Variants in PRKCH observed in about 807,000 individuals in gnomAD.
PRKCH encodes the protein protein kinase C eta type.
In PRKCH, 28 loss-of-function variants were observed where a neutral mutation model predicts 82.5. The ratio of observed to expected loss-of-function variants is 0.34; its 90% CI spans 0.25 to 0.47. The LOEUF is 0.47. Among genes scored for constraint, PRKCH ranks in the 20% least tolerant of loss-of-function variants. The pLI is 1.00. For synonymous variants in PRKCH, 322 were observed against 327.4 expected, an observed-to-expected ratio of 0.98 and a Z score of 0.18; for missense variants, 705 against 881.8, an observed-to-expected ratio of 0.80 and a Z score of 2.54.
chr14:61,233,919 A>G (rs917129249), intron 1 of PRKCH, among the ~76,000 whole-genome samples: 3 of 152,274 alleles, frequency 2.0e-5, no homozygotes, highest in South Asian at 4.2e-4. Flanking sequence ...CCCTTATTCC[A>G]TAACCCATTT....
intron 1 of PRKCH, among the ~76,000 whole-genome samples, chr14:61,329,824 C>T (rs1026178398): frequency 2.0e-5 from 3 of 152,174 alleles, no homozygotes; most frequent in Non-Finnish European, 2.9e-5. Flanking sequence ...CCTGAAAGAA[C>T]GGACGTATGA....
intron 1 of PRKCH, among the ~76,000 whole-genome samples, chr14:61,333,422 A>G (rs2045814587): frequency 6.6e-6 from 1 of 152,206 alleles, no homozygotes; most frequent in Non-Finnish European, 1.5e-5. Flanking sequence ...GCTTTTATTA[A>G]TTCCTAACAT....
At position 61,322,219 on chromosome 14, in the gene PRKCH, C is replaced by T. The variant is rs372517762; in HGVS notation, c.118C>T (p.Leu40=). 1.2e-6 allele frequency: 2 copies of T among 1,613,456 alleles called. No homozygotes were observed. The highest frequency in any genetic ancestry group is 1.3e-5 in the African/African-American group (1 of 74,970). The stretch of plus-strand genomic sequence containing the variant: ...CTCGCTCTTCAAGAAGGGCCACCAG[C>T]TGCTGGACCCCTATCTGACGGTGAG... The part of the protein sequence containing the change: ...RHSLFKKGHQ[L]LDPYLTVSVD... Residue 40 remains leucine (L), a synonymous_variant, in exon 1 of 14, where the codon CTG becomes TTG. Coordinates refer to ENST00000332981, the MANE Select transcript of PRKCH (RefSeq NM_006255.5).
At chr14:61,212,717 A>G (rs1359959595) in intron 1 of PRKCH, among the ~76,000 whole-genome samples, 1 of 152,212 alleles carries the variant, frequency 6.6e-6, no homozygotes, top group East Asian at 1.9e-4. Context: ...GCACTGTGCT[A>G]AGTGCTGAGT....
intron 1 of PRKCH, among the ~76,000 whole-genome samples, chr14:61,216,121 C>A (rs116954395): frequency 0.011 from 1,622 of 152,188 alleles, 27 homozygotes; most frequent in African/African-American, 0.031. Context: ...TTATTCAGAT[C>A]CTAGCCACCT....
intron 1 of PRKCH, among the ~76,000 whole-genome samples, chr14:61,252,306 C>G (rs1257926005): frequency 6.6e-6 from 1 of 152,196 alleles, no homozygotes; most frequent in Non-Finnish European, 1.5e-5. Context: ...GAAGGCCTTG[C>G]TCTGTGGGGA....
At chr14:61,203,376 G>A (rs2044497482) in intron 1 of PRKCH, among the ~76,000 whole-genome samples, 1 of 152,154 alleles carries the variant, frequency 6.6e-6, no homozygotes, top group Non-Finnish European at 1.5e-5. Context: ...CAAGCCAGAA[G>A]CCCCAAAGTG....
intron 1 of PRKCH, among the ~76,000 whole-genome samples, chr14:61,352,745 G>A (rs1873257792): frequency 1.7e-5 from 2 of 117,358 alleles, no homozygotes; most frequent in South Asian, 2.8e-4. Context: ...AAAGAAAGAT[G>A]TCCTAGATAT....
chr14:61,274,669 T>C (rs552934876), intron 1 of PRKCH, among the ~76,000 whole-genome samples: 6 of 151,728 alleles, frequency 4.0e-5, no homozygotes, highest in Admixed American at 6.6e-5. Context: ...GATAGAGGAG[T>C]CATTTTCAGC....
chr14:61,462,105 A>T (rs1477634809), intron 9 of PRKCH, among the ~76,000 whole-genome samples: 1 of 152,190 alleles, frequency 6.6e-6, no homozygotes, highest in African/African-American at 2.4e-5. Context: ...AGTAGTGGGA[A>T]CCCACTTCAA....
intron 1 of PRKCH, among the ~76,000 whole-genome samples, chr14:61,260,269 T>C (rs2140079276): frequency 6.6e-6 from 1 of 152,344 alleles, no homozygotes; most frequent in Non-Finnish European, 1.5e-5. Context: ...TGCATTGTCC[T>C]GGAAGCACTG....
chr14:61,337,696 G>A (rs1027172869), intron 1 of PRKCH, among the ~76,000 whole-genome samples: 2 of 152,164 alleles, frequency 1.3e-5, no homozygotes, highest in Admixed American at 1.3e-4. Flanking sequence ...CAAAGTGCTG[G>A]GATTACAGGC....
chr14:61,511,756 C>A (rs1887387541), intron 10 of PRKCH, among the ~76,000 whole-genome samples: 1 of 152,206 alleles, frequency 6.6e-6, no homozygotes, highest in Non-Finnish European at 1.5e-5. Flanking sequence ...TCCTTTGCAT[C>A]AGTGGAAAGT....
rs200524884 is a variant in PRKCH at position 61,259,725 on chromosome 14, AT to A, written c.-19+72066del. 1.4e-4 allele frequency among the ~76,000 whole-genome samples: 21 copies of A among 151,520 alleles called. No homozygotes were observed. In the South Asian group the frequency reaches 3.1e-3, roughly 23 times the overall value. ...CTTGACCTTTATTTTATAACAAAGC[AT>A]TTTTTTTTCCTGCTTGGATTTCTAA... On this transcript the variant is annotated intron_variant, in intron 1 of 3. Transcript: ENST00000555185.
chr14:61,239,608 G>T (rs538339779), intron 1 of PRKCH, among the ~76,000 whole-genome samples: 607 of 152,362 alleles, frequency 4.0e-3, no homozygotes, highest in Middle Eastern at 6.8e-3. Flanking sequence ...CTGGGCCTGA[G>T]AAGGGAGGAG....
intron 10 of PRKCH, among the ~76,000 whole-genome samples, chr14:61,486,042 A>G (rs1022362343): frequency 9.2e-5 from 14 of 152,218 alleles, no homozygotes; most frequent in African/African-American, 3.4e-4. Context: ...ACTGCCTGCA[A>G]TCTAAAATTT....
In PRKCH at chr14:61,248,780, GTA is replaced by G. The variant is rs1566793990; in HGVS notation, c.-19+61114_-19+61115del. On this transcript the variant is annotated intron_variant, in intron 1 of 3. Coordinates refer to the PRKCH transcript ENST00000555185. ...TGTATGTATGTATGTATGTATGTAT[GTA>G]TGTATGTATGTATGTATGTGTGTGT... 7.4e-4 allele frequency among the ~76,000 whole-genome samples: 88 copies of G among 118,376 alleles called. No individual in the cohort carries two copies. The South Asian group carries it at 7.6e-3, about 10-fold the overall frequency. The allele number at this position is 118,376 out of a possible 152,430, so 77.7% of individuals were successfully genotyped here.
At chr14:61,498,950 A>G (rs1886778197) in intron 10 of PRKCH, among the ~76,000 whole-genome samples, 1 of 152,182 alleles carries the variant, frequency 6.6e-6, no homozygotes, top group South Asian at 2.1e-4. Flanking sequence ...ATAGTGCCAA[A>G]TCTACCCGGA....
At chr14:61,287,212 A>T in intron 1 of PRKCH, among the ~76,000 whole-genome samples, 1 of 134,078 alleles carries the variant, frequency 7.5e-6, no homozygotes, top group East Asian at 2.3e-4. Flanking sequence ...CTTAAAAAAA[A>T]AAAAAAAAAA....
Sources: gnomAD v4.1 joint callset for allele counts (sites outside exome capture counted in the v4.1 genomes callset) on GRCh38, gnomAD v4.1.1 for gene constraint, MANE v1.5 for transcripts, NCBI Gene and HGNC (gene_info 2026-07-23, HGNC 2026-07-21) for gene names.